GRM7: variants seen among roughly 807,000 people sequenced by gnomAD.
GRM7 encodes the protein metabotropic glutamate receptor 7.
A neutral mutation model predicts 84.5 loss-of-function variants in GRM7; 35 were observed. The ratio of observed to expected loss-of-function variants is 0.41; its 90% CI spans 0.32 to 0.55. The LOEUF is 0.55. Ranked by LOEUF, GRM7 falls within the 20% of genes least tolerant of loss-of-function variation. The probability of loss-of-function intolerance (pLI) is 0.19; values close to 1 mark genes in which losing one functional copy is unlikely to be tolerated. For missense variants in GRM7, 1,003 were observed against 1,194.6 expected, an observed-to-expected ratio of 0.84 and a Z score of 2.36; for synonymous variants, 487 against 455.1, an observed-to-expected ratio of 1.07 and a Z score of -0.89.
At chr3:7,242,743 CA>C (rs2124924064) in intron 2 of GRM7, among the ~76,000 whole-genome samples, 1 of 152,182 alleles carries the variant, frequency 6.6e-6, no homozygotes, top group South Asian at 2.1e-4. Context: ...TATTTTTATG[CA>C]AAACAATCTA....
intron 4 of GRM7, among the ~76,000 whole-genome samples, chr3:7,376,422 A>G (rs113303373): frequency 5.3e-5 from 8 of 152,322 alleles, no homozygotes; most frequent in African/African-American, 1.9e-4. Flanking sequence ...TGAGTTCCTT[A>G]AGGAAAACAG....
At chr3:7,327,767 A>C (rs1014643036) in intron 4 of GRM7, among the ~76,000 whole-genome samples, 1 of 152,200 alleles carries the variant, frequency 6.6e-6, no homozygotes, top group Admixed American at 6.5e-5. Context: ...AGATGTCATA[A>C]TATTTGCATG....
chr3:7,332,660 C>T (rs60193216), intron 4 of GRM7, among the ~76,000 whole-genome samples: 4 of 152,086 alleles, frequency 2.6e-5, no homozygotes, highest in African/African-American at 7.2e-5. Context: ...ACAGAAATAG[C>T]GTGTGGAGAC....
chr3:7,420,055 G>A (rs2124824595), intron 5 of GRM7, among the ~76,000 whole-genome samples: 1 of 152,264 alleles, frequency 6.6e-6, no homozygotes. Flanking sequence ...TCACTTCTCA[G>A]AGCTAATAGT....
intron 1 of GRM7, among the ~76,000 whole-genome samples, chr3:6,889,975 C>G (rs574979996): frequency 0.015 from 2,234 of 152,222 alleles, 53 homozygotes; most frequent in African/African-American, 0.051. Flanking sequence ...GTGTACGTGT[C>G]GAGGAATTTA....
intron 1 of GRM7, among the ~76,000 whole-genome samples, chr3:6,990,919 A>G (rs910958157): frequency 1.3e-5 from 2 of 152,110 alleles, no homozygotes; most frequent in Admixed American, 6.5e-5. Context: ...AAAGGTCACA[A>G]GAGGCCAGGA....
At chr3:7,091,430 C>T (rs1001685461) in intron 1 of GRM7, among the ~76,000 whole-genome samples, 3 of 152,006 alleles carry the variant, frequency 2.0e-5, no homozygotes, top group Non-Finnish European at 4.4e-5. Context: ...CATAAAATAC[C>T]TTGTAAATGG....
intron 7 of GRM7, among the ~76,000 whole-genome samples, chr3:7,563,309 C>T (rs1449660387): frequency 6.6e-6 from 1 of 152,130 alleles, no homozygotes; most frequent in Non-Finnish European, 1.5e-5. Flanking sequence ...TAAAAGAGGA[C>T]ATTTTTTTCC....
intron 3 of GRM7, among the ~76,000 whole-genome samples, chr3:7,303,309 C>A (rs1335114457): frequency 6.6e-6 from 1 of 152,074 alleles, no homozygotes; most frequent in Non-Finnish European, 1.5e-5. Context: ...ACTTTTGATG[C>A]AAAACATTAG....
At chr3:7,390,435 T>G (rs1301630539) in intron 4 of GRM7, among the ~76,000 whole-genome samples, 1 of 152,174 alleles carries the variant, frequency 6.6e-6, no homozygotes, top group African/African-American at 2.4e-5. Context: ...TATCCTCACA[T>G]ATTGTTTCTA....
At position 7,334,478 on chromosome 3, in the gene GRM7, AC is replaced by A. The variant is rs916991199; in HGVS notation, c.1033+27827del. On this transcript the variant is annotated intron_variant, in intron 4 of 9. Transcript: ENST00000357716. ...CAAAGCATAAATCTCACAGGGACCC[AC>A]AAAAAAAATAGAAAAACAAAAACAA... Among the ~76,000 whole-genome samples, 260 of 86,416 alleles carry A rather than the reference AC, an allele frequency of 3.0e-3. 1 individual carries two copies. Among genetic ancestry groups the A allele is most frequent in the African/African-American group, 0.018 (250 of 13,654 alleles). 56.7% of individuals were successfully genotyped at this position (86,416 alleles called of 152,430 possible).
Position 6,861,310 on chromosome 3 carries a change from C to T in GRM7, c.-79C>T. On this transcript the variant is annotated 5_prime_UTR_variant, in exon 1 of 10. Coordinates refer to ENST00000357716, the MANE Select transcript of GRM7 (RefSeq NM_000844.4). This position sits in a 1 kb window ranked among gnomAD's most constrained non-coding sequence, Gnocchi z 6.4. ...CCCTGGGCTTTCCCGGAGGAGCTCG[C>T]CCTGAAGGGCCCGGACCTCGGCGAG... 7.7e-7 allele frequency: 1 copy of T among 1,300,662 alleles called. No individual in the cohort carries two copies. Among genetic ancestry groups the T allele is most frequent in the Admixed American group, 3.5e-5 (1 of 28,260 alleles). 80.6% of individuals were successfully genotyped at this position (1,300,662 alleles called of 1,614,324 possible).
At chr3:7,700,776 A>G (rs1701198917) in intron 9 of GRM7, among the ~76,000 whole-genome samples, 1 of 152,208 alleles carries the variant, frequency 6.6e-6, no homozygotes, top group Non-Finnish European at 1.5e-5. Flanking sequence ...TTAGGGAAAA[A>G]AAGGACACTT....
chr3:7,174,841 G>A (rs781038095), intron 2 of GRM7, among the ~76,000 whole-genome samples: 2 of 152,220 alleles, frequency 1.3e-5, no homozygotes, highest in Non-Finnish European at 2.9e-5. Context: ...TCAATGGAAA[G>A]AGAAGTTTGA....
At chr3:7,208,617 A>G (rs1462050236) in intron 2 of GRM7, among the ~76,000 whole-genome samples, 1 of 152,180 alleles carries the variant, frequency 6.6e-6, no homozygotes, top group African/African-American at 2.4e-5. Flanking sequence ...AATAAACACT[A>G]GCTGATATCG....
chr3:7,476,318 C>T (rs780007618), intron 7 of GRM7, among the ~76,000 whole-genome samples: 21 of 152,066 alleles, frequency 1.4e-4, no homozygotes, highest in Admixed American at 5.9e-4. Context: ...GAGGCTGAAG[C>T]GGGAGGATAA....
At position 7,306,560 on chromosome 3, in the gene GRM7, A is replaced by G; in HGVS notation, c.941A>G (p.Asp314Gly). ...GGCCATTTTCTTTGGGTGGGATCAG[A>G]CAGCTGGGGATCCAAAATAAACCCA... ...QVGHFLWVGSDSWGSKINPLH... is the reference protein window; with the variant it reads ...QVGHFLWVGSGSWGSKINPLH... The change falls in exon 4 of 10, where the codon GAC becomes GGC. Residue 314 changes from aspartate to glycine, a missense_variant. Asp to Gly is a moderately conservative substitution (Grantham distance 94). This residue lies in a region of GRM7 where 910 missense variants were observed against 1,126.0 expected (regional missense o/e 0.81). Coordinates refer to ENST00000357716, the MANE Select transcript of GRM7 (RefSeq NM_000844.4). 1 of 1,613,880 alleles carries G rather than the reference A, an allele frequency of 6.2e-7. No homozygotes were observed. The highest frequency in any genetic ancestry group is 1.1e-5 in the South Asian group (1 of 91,086).
At chr3:7,211,698 C>T (rs902621862) in intron 2 of GRM7, among the ~76,000 whole-genome samples, 64 of 144,982 alleles carry the variant, frequency 4.4e-4, no homozygotes, top group Admixed American at 1.9e-3. Flanking sequence ...TTCTTTGTTG[C>T]GGATGTCAAC....
At chr3:6,916,819 C>T (rs148966237) in intron 1 of GRM7, among the ~76,000 whole-genome samples, 37 of 151,970 alleles carry the variant, frequency 2.4e-4, no homozygotes, top group Non-Finnish European at 4.7e-4. Flanking sequence ...TCATTCAGAA[C>T]CTACTATGTG....
Sources: gnomAD v4.1 joint callset for allele counts (sites outside exome capture counted in the v4.1 genomes callset) on GRCh38, gnomAD v4.1.1 for gene constraint, gnomAD v4.1.1 regional missense constraint, Gnocchi (gnomAD v3.1) non-coding constraint, MANE v1.5 for transcripts, NCBI Gene and HGNC (gene_info 2026-07-23, HGNC 2026-07-21) for gene names.